EFNA5: variants seen among roughly 807,000 people sequenced by gnomAD.
The protein encoded by EFNA5 is ephrin-A5.
In EFNA5, 5 loss-of-function variants were observed where a neutral mutation model predicts 22.9. The ratio of observed to expected loss-of-function variants is 0.22; its 90% CI spans 0.11 to 0.46. The LOEUF is 0.46. Among genes scored for constraint, EFNA5 ranks in the 20% least tolerant of loss-of-function variants. The pLI, the probability that EFNA5 is intolerant of heterozygous loss-of-function variation, is 0.99. For synonymous variants in EFNA5, 113 were observed against 112.2 expected, an observed-to-expected ratio of 1.01 and a Z score of -0.04; for missense variants, 237 against 293.3, an observed-to-expected ratio of 0.81 and a Z score of 1.40.
chr5:107,528,636 G>T (rs982249333), intron 1 of EFNA5, among the ~76,000 whole-genome samples: 20 of 151,978 alleles, frequency 1.3e-4, no homozygotes, highest in Admixed American at 1.2e-3. Flanking sequence ...TTTCTCTCTG[G>T]ATTTTTTCAC....
rs1191170514 is a variant in EFNA5, at chr5:107,495,659, C to T, written c.126-68150G>A. On this transcript the variant is annotated intron_variant, in intron 1 of 4. Transcript: ENST00000333274. Reference sequence around the variant, plus strand: ...GAACACGAGGAAGTATGACAAATAACGCCATGTTCTCAAGCAGTTTGAAAC... The same window carrying T: ...GAACACGAGGAAGTATGACAAATAATGCCATGTTCTCAAGCAGTTTGAAAC... 5.3e-5 allele frequency among the ~76,000 whole-genome samples: 8 copies of T among 152,242 alleles called. No homozygotes were observed. The South Asian group carries it at 6.2e-4, about 12-fold the overall frequency.
At chr5:107,510,301 T>C (rs576689725) in intron 1 of EFNA5, among the ~76,000 whole-genome samples, 11 of 152,340 alleles carry the variant, frequency 7.2e-5, no homozygotes, top group African/African-American at 2.4e-4. Context: ...CCCTACATGG[T>C]CTGAAATGGG....
At chr5:107,453,447 C>G (rs1749612286) in intron 1 of EFNA5, among the ~76,000 whole-genome samples, 1 of 152,142 alleles carries the variant, frequency 6.6e-6, no homozygotes, top group South Asian at 2.1e-4. Flanking sequence ...ATATGCTGAG[C>G]CTATTATATA....
At chr5:107,598,641 T>C (rs1749524314) in intron 1 of EFNA5, among the ~76,000 whole-genome samples, 1 of 152,106 alleles carries the variant, frequency 6.6e-6, no homozygotes, top group African/African-American at 2.4e-5. Flanking sequence ...CAGATAAACA[T>C]ACAGGTGGTC....
chr5:107,403,024 GGCCAGCGTGC>G (rs1367281009), intron 2 of EFNA5, among the ~76,000 whole-genome samples: 1 of 152,202 alleles, frequency 6.6e-6, no homozygotes, highest in Non-Finnish European at 1.5e-5. Context: ...GCCAACAAAT[GGCCAGCGTGC>G]TGTGCCTCGC....
At chr5:107,402,227 G>A (rs1250782315) in intron 2 of EFNA5, among the ~76,000 whole-genome samples, 2 of 152,096 alleles carry the variant, frequency 1.3e-5, no homozygotes, top group Non-Finnish European at 2.9e-5. Context: ...AGAAAAGAGC[G>A]ATGAAGATGT....
chr5:107,567,757 C>A (rs1432093239), intron 1 of EFNA5, among the ~76,000 whole-genome samples: 1 of 152,138 alleles, frequency 6.6e-6, no homozygotes, highest in Non-Finnish European at 1.5e-5. Flanking sequence ...AGGTGGAGGT[C>A]TATATGCATT....
At chr5:107,408,192 T>C (rs557329460) in intron 2 of EFNA5, among the ~76,000 whole-genome samples, 1 of 149,730 alleles carries the variant, frequency 6.7e-6, no homozygotes, top group Admixed American at 6.6e-5. Flanking sequence ...CACACACCCA[T>C]CACCATCACC....
rs563108286 is a variant in EFNA5, at chr5:107,641,631, T to C, written c.125+28858A>G. ...CTCCCAAGGTATTCTGGGATGATGATTTTATTTGATGCAATACATTCTATT... is the reference window on the plus strand; with the variant it reads ...CTCCCAAGGTATTCTGGGATGATGACTTTATTTGATGCAATACATTCTATT... On this transcript the variant is annotated intron_variant, in intron 1 of 4. Transcript: ENST00000333274. 4.6e-5 allele frequency among the ~76,000 whole-genome samples: 7 copies of C among 152,290 alleles called. No individual in the cohort carries two copies. In the South Asian group the frequency reaches 1.5e-3, roughly 32 times the overall value.
At chr5:107,625,807 T>C (rs537175994) in intron 1 of EFNA5, among the ~76,000 whole-genome samples, 3 of 152,340 alleles carry the variant, frequency 2.0e-5, no homozygotes, top group Non-Finnish European at 1.5e-5. Context: ...ATTAGTCTTA[T>C]TGATTATAAC....
chr5:107,434,242 G>A (rs1749050766), intron 1 of EFNA5, among the ~76,000 whole-genome samples: 1 of 152,132 alleles, frequency 6.6e-6, no homozygotes, highest in African/African-American at 2.4e-5. Flanking sequence ...CTGTCTCTTG[G>A]TTCCTCTTTA....
intron 1 of EFNA5, among the ~76,000 whole-genome samples, chr5:107,476,186 G>C (rs1750304833): frequency 6.7e-6 from 1 of 149,308 alleles, no homozygotes; most frequent in African/African-American, 2.5e-5. Context: ...CGAGTAGCTG[G>C]GGTTACAGGC....
intron 1 of EFNA5, among the ~76,000 whole-genome samples, chr5:107,470,819 C>T (rs1312217923): frequency 6.6e-6 from 1 of 151,934 alleles, no homozygotes; most frequent in Non-Finnish European, 1.5e-5. Context: ...TCACTTGAGC[C>T]CAGGAGTTCG....
At chr5:107,453,946 A>AGT (rs5870261) in intron 1 of EFNA5, among the ~76,000 whole-genome samples, 57 of 149,396 alleles carry the variant, frequency 3.8e-4, no homozygotes, top group Middle Eastern at 3.4e-3. Flanking sequence ...AAGGAGTGTG[A>AGT]GTGTGTGTGT....
At chr5:107,474,578 A>C (rs920484664) in intron 1 of EFNA5, among the ~76,000 whole-genome samples, 13 of 152,130 alleles carry the variant, frequency 8.5e-5, no homozygotes, top group African/African-American at 3.1e-4. Flanking sequence ...TTGCATTACG[A>C]ACGAGGAATG....
intron 1 of EFNA5, among the ~76,000 whole-genome samples, chr5:107,656,885 G>A (rs1385825512): frequency 6.6e-6 from 1 of 152,042 alleles, no homozygotes; most frequent in East Asian, 1.9e-4. Flanking sequence ...ACAGACAAGT[G>A]ACAAATCTAA....
chr5:107,589,523 T>G (rs779835204), intron 1 of EFNA5, among the ~76,000 whole-genome samples: 5 of 152,286 alleles, frequency 3.3e-5, no homozygotes, highest in Non-Finnish European at 7.4e-5. Context: ...TTTGCCATAG[T>G]TAGCATTTAA....
At chr5:107,567,118 G>C (rs1023775597) in intron 1 of EFNA5, among the ~76,000 whole-genome samples, 1 of 152,070 alleles carries the variant, frequency 6.6e-6, no homozygotes, top group African/African-American at 2.4e-5. Context: ...AAACGAGAAA[G>C]AGTTGTCCTA....
intron 1 of EFNA5, among the ~76,000 whole-genome samples, chr5:107,492,213 C>T (rs956208643): frequency 1.3e-5 from 2 of 152,078 alleles, no homozygotes; most frequent in Admixed American, 1.3e-4. Flanking sequence ...AAAAATTATT[C>T]AGTCTTATAA....
Sources: allele counts gnomAD v4.1 joint callset (sites outside exome capture counted in the v4.1 genomes callset), GRCh38; gene constraint gnomAD v4.1.1; transcripts MANE v1.5; gene names NCBI Gene and HGNC (gene_info 2026-07-23, HGNC 2026-07-21).